PDE9A: variants seen among roughly 807,000 people sequenced by gnomAD.
PDE9A encodes high affinity cGMP-specific 3',5'-cyclic phosphodiesterase 9A.
PDE9A carries 60 observed loss-of-function variants against 87.4 expected under a neutral mutation model. The ratio of observed to expected loss-of-function variants is 0.69; its 90% CI spans 0.56 to 0.85. PDE9A has a LOEUF of 0.85. Ranked by LOEUF, PDE9A falls within the 40% of genes least tolerant of loss-of-function variation. The pLI is 0.00. For missense variants in PDE9A, 665 were observed against 779.0 expected (o/e 0.85, Z 1.74); for synonymous variants, 272 against 279.4 (o/e 0.97, Z 0.27).
chr21:42,677,500 G>A (rs1393875520), intron 1 of PDE9A, among the ~76,000 whole-genome samples: 1 of 152,202 alleles, frequency 6.6e-6, no homozygotes, highest in Non-Finnish European at 1.5e-5. Context: ...CAGAGAGGGC[G>A]CTGTCTTAGG....
Position 42,723,503 on chromosome 21 carries a change from T to C in PDE9A, c.263-8267T>C, listed in dbSNP as rs1170292686. 6.6e-6 allele frequency among the ~76,000 whole-genome samples: 1 copy of C among 152,218 alleles called. No individual in the cohort carries two copies. Among genetic ancestry groups the C allele is most frequent in the Admixed American group, 6.5e-5 (1 of 15,276 alleles). On this transcript the variant is annotated intron_variant, in intron 4 of 19. Coordinates refer to ENST00000291539, the MANE Select transcript of PDE9A (RefSeq NM_002606.3). This position sits in a 1 kb window ranked among gnomAD's most constrained non-coding sequence, Gnocchi z 4.3. ...CCTGTCATTACAACTGATTGATCCT[T>C]GGTGTAGTCAAATCTTCTGCCTTTA...
chr21:42,688,165 C>T (rs575267247), intron 3 of PDE9A, among the ~76,000 whole-genome samples, 171 bp downstream of exon 3: 1 of 152,262 alleles, frequency 6.6e-6, no homozygotes, highest in African/African-American at 2.4e-5. Context: ...GTCGTGTTCC[C>T]CTGCAGAGGA....
intron 10 of PDE9A, among the ~76,000 whole-genome samples, chr21:42,756,446 G>A (rs574454884): frequency 1.3e-5 from 2 of 152,308 alleles, no homozygotes; most frequent in South Asian, 4.2e-4. Context: ...CAGCAGGGGC[G>A]CCCCCACTTT....
chr21:42,735,307 A>C (rs955499103), intron 7 of PDE9A, among the ~76,000 whole-genome samples: 1 of 152,212 alleles, frequency 6.6e-6, no homozygotes, highest in East Asian at 1.9e-4. Flanking sequence ...CACTGGCTAC[A>C]GGTTCAAAAT....
chr21:42,662,172 A>G (rs1266437468), intron 1 of PDE9A, among the ~76,000 whole-genome samples: 1 of 152,064 alleles, frequency 6.6e-6, no homozygotes, highest in Non-Finnish European at 1.5e-5. Context: ...TTATTTATCC[A>G]TGTCATGGAT....
chr21:42,701,551 C>T (rs1388559953), intron 4 of PDE9A, among the ~76,000 whole-genome samples: 2 of 152,062 alleles, frequency 1.3e-5, no homozygotes, highest in Non-Finnish European at 2.9e-5. Context: ...ATCCTCCCTC[C>T]TCAGCCTCCC....
chr21:42,686,428 C>T (rs1165019660), intron 2 of PDE9A, among the ~76,000 whole-genome samples, 166 bp downstream of exon 2: 1 of 152,260 alleles, frequency 6.6e-6, no homozygotes, highest in Non-Finnish European at 1.5e-5. Flanking sequence ...GAGGCTCAGC[C>T]GCCCTCCGGG....
rs114143828 is a variant in PDE9A at position 42,738,195 on chromosome 21, C to T, written c.568+4769C>T. Among the ~76,000 whole-genome samples, 770 of 152,312 alleles carry T rather than the reference C, an allele frequency of 5.1e-3. 6 individuals are homozygous for T. Among genetic ancestry groups the T allele is most frequent in the African/African-American group, 0.017 (708 of 41,558 alleles). ...ACCAAAACCTAAACACAGCGTGGGCCGTGGCAGGAGCTGACCGGCTGGGGC... is the reference window on the plus strand; with the variant it reads ...ACCAAAACCTAAACACAGCGTGGGCTGTGGCAGGAGCTGACCGGCTGGGGC... On this transcript the variant is annotated intron_variant, in intron 7 of 19. Coordinates refer to ENST00000291539, the MANE Select transcript of PDE9A (RefSeq NM_002606.3).
intron 4 of PDE9A, among the ~76,000 whole-genome samples, chr21:42,730,259 T>C (rs2051582409): frequency 6.6e-6 from 1 of 152,198 alleles, no homozygotes; most frequent in Admixed American, 6.5e-5. Context: ...TATGAAAATT[T>C]TCTGGCTGAC....
intron 3 of PDE9A, chr21:42,697,395 C>T: frequency 6.5e-7 from 1 of 1,549,336 alleles, no homozygotes; most frequent in Non-Finnish European, 8.9e-7. Flanking sequence ...CCTCCATATT[C>T]ACTGTGTTTC....
intron 4 of PDE9A, among the ~76,000 whole-genome samples, chr21:42,719,675 G>A (rs538936156): frequency 6.9e-6 from 1 of 145,286 alleles, no homozygotes; most frequent in Admixed American, 6.9e-5. Flanking sequence ...ATATTCCTTC[G>A]TTCTTTTATA....
intron 8 of PDE9A, among the ~76,000 whole-genome samples, chr21:42,746,269 TGTA>T (rs1251976097): frequency 4.6e-5 from 7 of 152,130 alleles, no homozygotes; most frequent in Admixed American, 4.6e-4. Flanking sequence ...TTATCGAAGT[TGTA>T]GTCATTTCCT....
At chr21:42,684,663 G>T (rs746721504) in intron 1 of PDE9A, among the ~76,000 whole-genome samples, 54 of 152,332 alleles carry the variant, frequency 3.5e-4, no homozygotes, top group Admixed American at 1.4e-3. Context: ...GGGGGAAATG[G>T]GGTGAGGCCA....
intron 14 of PDE9A, 151 bp downstream of exon 14, chr21:42,762,390 T>C: frequency 1.3e-6 from 1 of 766,922 alleles, no homozygotes; most frequent in Non-Finnish European, 2.1e-6. Context: ...CCTCACCTCC[T>C]CCAGGGCCCA....
chr21:42,686,980 G>A (rs978854998), intron 2 of PDE9A, among the ~76,000 whole-genome samples: 1 of 152,200 alleles, frequency 6.6e-6, no homozygotes, highest in Non-Finnish European at 1.5e-5. Context: ...CTGGGTGAAA[G>A]GCTGACTTCA....
chr21:42,756,136 G>A (rs570704855), intron 10 of PDE9A, among the ~76,000 whole-genome samples: 10 of 152,346 alleles, frequency 6.6e-5, no homozygotes, highest in South Asian at 2.1e-4. Flanking sequence ...CCCACGGCCC[G>A]TGGCTCCTGC....
intron 4 of PDE9A, among the ~76,000 whole-genome samples, chr21:42,715,136 T>G (rs2049755776): frequency 6.6e-6 from 1 of 152,296 alleles, no homozygotes; most frequent in African/African-American, 2.4e-5. Context: ...TAGCTGTCTC[T>G]TTTTGCATTA....
At chr21:42,770,547 G>A (rs1407232607) in intron 17 of PDE9A, among the ~76,000 whole-genome samples, 156 bp from the exon 18 acceptor site, 3 of 152,200 alleles carry the variant, frequency 2.0e-5, no homozygotes, top group South Asian at 2.1e-4. Context: ...AGACAGAGCC[G>A]CAGTGGGTGG....
chr21:42,691,220 C>T (rs1202065193), intron 3 of PDE9A, among the ~76,000 whole-genome samples: 1 of 150,248 alleles, frequency 6.7e-6, no homozygotes, highest in Non-Finnish European at 1.5e-5. Context: ...CCAGTCCCAT[C>T]GCCATCACCA....
Sources: gnomAD v4.1 joint callset for allele counts (sites outside exome capture counted in the v4.1 genomes callset) on GRCh38, gnomAD v4.1.1 for gene constraint, Gnocchi (gnomAD v3.1) non-coding constraint, MANE v1.5 for transcripts, NCBI Gene and HGNC (gene_info 2026-07-23, HGNC 2026-07-21) for gene names.